INSYN2B: variants seen among roughly 807,000 people sequenced by gnomAD.
INSYN2B encodes the protein inhibitory synaptic factor family member 2B.
Under a neutral mutation model 41.2 loss-of-function variants are expected in INSYN2B, and 16 were observed. The observed-to-expected ratio is 0.39, with a 90% CI of 0.26 to 0.59. INSYN2B has a LOEUF of 0.59. INSYN2B is among the 20% of genes least tolerant of loss of function. The probability of loss-of-function intolerance (pLI) is 0.57; values close to 1 mark genes in which losing one functional copy is unlikely to be tolerated. For missense variants in INSYN2B, 608 were observed against 646.4 expected (o/e 0.94, Z 0.64); for synonymous variants, 245 against 244.4 (o/e 1.00, Z -0.02).
chr5:169,874,060 A>G lies in INSYN2B; in HGVS notation c.1421+7308T>C, dbSNP rs146669859. On this transcript the variant is annotated intron_variant, in intron 3 of 3. Coordinates refer to ENST00000377365, the MANE Select transcript of INSYN2B (RefSeq NM_001129891.3). ...GCAGAGAATCTCCTTTACAGAATCC[A>G]TAAGTTCTTCTCTGTCTGGTCCAGA... is the stretch of plus-strand genomic sequence containing the variant. 5.6e-3 allele frequency among the ~76,000 whole-genome samples: 856 copies of G among 152,236 alleles called. 7 individuals are homozygous for G. The highest frequency in any genetic ancestry group is 0.017 in the African/African-American group (700 of 41,556).
chr5:169,902,820 C>A (rs555612432), intron 1 of INSYN2B, among the ~76,000 whole-genome samples: 19 of 152,074 alleles, frequency 1.2e-4, no homozygotes, highest in Admixed American at 9.2e-4. Flanking sequence ...AGGGGTGAGG[C>A]CAGGCGTGGT....
intron 1 of INSYN2B, among the ~76,000 whole-genome samples, chr5:169,937,710 A>T (rs1363701714): frequency 1.3e-5 from 2 of 152,256 alleles, no homozygotes; most frequent in African/African-American, 4.8e-5. Flanking sequence ...ATTCTCATTT[A>T]GTAACACTTT....
At chr5:169,931,770 C>T (rs903315453) in intron 1 of INSYN2B, among the ~76,000 whole-genome samples, 6 of 152,170 alleles carry the variant, frequency 3.9e-5, no homozygotes, top group Admixed American at 3.9e-4. Flanking sequence ...GATGGAAGCA[C>T]AGCCAAGTGG....
At chr5:169,871,331 G>C (rs892053141) in intron 3 of INSYN2B, among the ~76,000 whole-genome samples, 4 of 152,132 alleles carry the variant, frequency 2.6e-5, no homozygotes, top group Non-Finnish European at 4.4e-5. Context: ...AACAAAAAGA[G>C]AGTACCTGGG....
chr5:169,950,585 G>A (rs1173832764), intron 1 of INSYN2B, among the ~76,000 whole-genome samples: 1 of 152,192 alleles, frequency 6.6e-6, no homozygotes, highest in Non-Finnish European at 1.5e-5. Context: ...TTTGGTTTTA[G>A]TTCTTGCACC....
At chr5:169,979,186 T>C (rs1033669779) in intron 1 of INSYN2B, among the ~76,000 whole-genome samples, 2 of 152,170 alleles carry the variant, frequency 1.3e-5, no homozygotes, top group African/African-American at 2.4e-5. Flanking sequence ...TTCAGGCTTT[T>C]CCAGGTTTCT....
intron 1 of INSYN2B, 62 bp downstream of exon 1, chr5:169,980,215 G>A (rs1225547767): frequency 1.3e-5 from 2 of 152,022 alleles, no homozygotes; most frequent in Non-Finnish European, 2.9e-5. Flanking sequence ...TCCAAGAGAC[G>A]ATCGCATTTT....
At chr5:169,939,211 T>TC (rs1368091831) in intron 1 of INSYN2B, among the ~76,000 whole-genome samples, 7 of 151,368 alleles carry the variant, frequency 4.6e-5, no homozygotes, top group African/African-American at 1.5e-4. Flanking sequence ...GCCTTTTTTT[T>TC]TTTTTTAAAC....
At chr5:169,921,090 G>A (rs1417106506) in intron 1 of INSYN2B, among the ~76,000 whole-genome samples, 3 of 152,290 alleles carry the variant, frequency 2.0e-5, no homozygotes, top group Middle Eastern at 3.4e-3. Context: ...CAATCCCAGT[G>A]TTTTGCTTCC....
intron 1 of INSYN2B, among the ~76,000 whole-genome samples, chr5:169,975,793 G>A (rs542618584): frequency 6.6e-6 from 1 of 152,158 alleles, no homozygotes; most frequent in Non-Finnish European, 1.5e-5. Flanking sequence ...TCTGTTCCTG[G>A]CTCTTCCCAA....
At chr5:169,869,908 C>T (rs962376973) in intron 3 of INSYN2B, among the ~76,000 whole-genome samples, 3 of 152,172 alleles carry the variant, frequency 2.0e-5, no homozygotes, top group Admixed American at 6.5e-5. Context: ...CTGTATATTC[C>T]ATGCAGGATC....
intron 1 of INSYN2B, among the ~76,000 whole-genome samples, chr5:169,937,702 T>C (rs551601313): frequency 2.0e-5 from 3 of 152,216 alleles, no homozygotes; most frequent in Non-Finnish European, 2.9e-5. Context: ...TCTTCTAAAT[T>C]CTCATTTAGT....
chr5:169,959,768 G>A (rs955696262), intron 1 of INSYN2B, among the ~76,000 whole-genome samples: 2 of 152,146 alleles, frequency 1.3e-5, no homozygotes, highest in African/African-American at 2.4e-5. Context: ...TAGAGTCATC[G>A]TAGATCTAGA....
Position 169,928,022 on chromosome 5 carries a change from A to G in INSYN2B, c.-918-43206T>C, listed in dbSNP as rs376924142. ...TTAACTCACAGATCCATGTGTGTGT[A>G]TGCATTTTTTCTTAAACAGGTGGTA... On this transcript the variant is annotated intron_variant, in intron 1 of 3. Coordinates refer to ENST00000377365, the MANE Select transcript of INSYN2B (RefSeq NM_001129891.3). 3.3e-4 allele frequency among the ~76,000 whole-genome samples: 50 copies of G among 152,260 alleles called. 1 individual carries two copies. Among genetic ancestry groups the G allele is most frequent in the South Asian group, 2.1e-3 (10 of 4,820 alleles).
chr5:169,922,543 A>G (rs900272061), intron 1 of INSYN2B, among the ~76,000 whole-genome samples: 8 of 152,242 alleles, frequency 5.3e-5, no homozygotes, highest in African/African-American at 1.9e-4. Flanking sequence ...AATAATACCA[A>G]CAATGAGAAA....
At chr5:169,882,400 A>G (rs193245223) in intron 2 of INSYN2B, among the ~76,000 whole-genome samples, 153 bp downstream of exon 2, 1 of 152,278 alleles carries the variant, frequency 6.6e-6, no homozygotes, top group East Asian at 1.9e-4. Flanking sequence ...TCCATTAGAG[A>G]AAAGGGAGGT....
intron 1 of INSYN2B, among the ~76,000 whole-genome samples, chr5:169,917,856 C>T (rs1273843302): frequency 3.3e-5 from 5 of 152,160 alleles, no homozygotes. Context: ...AGCTGGTCTT[C>T]CCTTTCCACT....
intron 1 of INSYN2B, among the ~76,000 whole-genome samples, chr5:169,912,841 CT>C (rs147506670): frequency 4.1e-5 from 6 of 147,610 alleles, no homozygotes; most frequent in Admixed American, 1.4e-4. Flanking sequence ...GGAGGTACTT[CT>C]TTTTTTTTTC....
chr5:169,879,750 C>G (rs1479011291), intron 3 of INSYN2B, among the ~76,000 whole-genome samples: 1 of 152,112 alleles, frequency 6.6e-6, no homozygotes. Flanking sequence ...AAAAGGGACT[C>G]TTGGGGCCAT....
Sources: allele counts gnomAD v4.1 joint callset (sites outside exome capture counted in the v4.1 genomes callset), GRCh38; gene constraint gnomAD v4.1.1; transcripts MANE v1.5; gene names NCBI Gene and HGNC (gene_info 2026-07-23, HGNC 2026-07-21).